The following SEC16B variants were observed in gnomAD, a reference collection of about 807,000 sequenced individuals.
SEC16B encodes the protein SEC16 homolog B, endoplasmic reticulum export factor.
Under a neutral mutation model 141.8 loss-of-function variants are expected in SEC16B, and 115 were observed. That is an observed-to-expected ratio of 0.81 (90% confidence interval 0.70 to 0.95). SEC16B has a LOEUF of 0.95. Ranked by LOEUF, SEC16B falls within the 40% of genes least tolerant of loss-of-function variation. SEC16B has a pLI of 0.00. For missense variants in SEC16B, 1,291 were observed against 1,312.3 expected, an observed-to-expected ratio of 0.98 and a Z score of 0.25; for synonymous variants, 493 against 492.5, an observed-to-expected ratio of 1.00 and a Z score of -0.01.
intron 8 of SEC16B, chr1:177,960,132 T>C (rs1420346280): frequency 3.5e-6 from 2 of 564,120 alleles, no homozygotes; most frequent in African/African-American, 3.8e-5. Flanking sequence ...GTCATGCTAA[T>C]TTTTCTTTCT....
intron 10 of SEC16B, among the ~76,000 whole-genome samples, chr1:177,954,648 T>C (rs1482561762): frequency 6.6e-6 from 1 of 152,220 alleles, no homozygotes; most frequent in African/African-American, 2.4e-5. Flanking sequence ...TAGCCTCATC[T>C]CTTTAGCAAA....
In SEC16B at chr1:177,948,567, A is replaced by C. The variant is rs775257970; in HGVS notation, c.1546-625T>G. The C allele has an allele frequency of 3.8e-6, 5 of 1,304,318 alleles. No individual in the cohort carries two copies. The South Asian group carries it at 6.2e-5, about 16-fold the overall frequency. 80.8% of individuals were successfully genotyped at this position (1,304,318 alleles called of 1,614,324 possible). On this transcript the variant is annotated intron_variant, in intron 12 of 25. Transcript: ENST00000308284. ...TTCCACCAGGGGGCAAAAAAGAGTA[A>C]GCAGCGTGGTGGAAATGTACAAAGC...
chr1:177,937,253 T>G lies in SEC16B; in HGVS notation c.2464A>C (p.Thr822Pro). The change falls in exon 19 of 26, where the codon ACA becomes CCA. Residue 822 changes from threonine to proline, a missense_variant. Around this residue, in one of 3 missense-constraint regions of SEC16B, gnomAD observed 605 missense variants for 614.1 expected, o/e 0.99. Coordinates refer to ENST00000308284, the MANE Select transcript of SEC16B (RefSeq NM_033127.4). ...SVAVTEATGG[T>P]VWEEMLQTHL... is the part of the protein sequence containing the mutation. ...GTCTGCAGCATTTCCTCCCAGACTG[T>G]TCCTCCAGTGGCCTCTGTCACTGCC... 1 of 1,613,784 alleles carries G rather than the reference T, an allele frequency of 6.2e-7. No individual in the cohort carries two copies. The highest frequency in any genetic ancestry group is 8.5e-7 in the Non-Finnish European group (1 of 1,179,826).
At chr1:177,943,035 G>A (rs769471607) in intron 15 of SEC16B, among the ~76,000 whole-genome samples, 2 of 152,158 alleles carry the variant, frequency 1.3e-5, no homozygotes, top group African/African-American at 2.4e-5. Flanking sequence ...TTTCTCTTTC[G>A]TAAAAGGAAG....
intron 15 of SEC16B, among the ~76,000 whole-genome samples, chr1:177,943,744 G>A (rs916925959): frequency 3.3e-5 from 5 of 152,220 alleles, no homozygotes; most frequent in East Asian, 1.9e-4. Context: ...CGTCAACGCC[G>A]AAAGCAGTTG....
Position 177,968,510 on chromosome 1 carries a change from T to C in SEC16B, c.-58-471A>G, listed in dbSNP as rs1653730403. Among the ~76,000 whole-genome samples the C allele has an allele frequency of 3.9e-5, 6 of 152,186 alleles. No homozygotes were observed. In the South Asian group the frequency reaches 1.2e-3, roughly 32 times the overall value. ...TCATTTTTTCAAGCCTCAATTTCCTTACCCATGAAATGGAGACTGTAAGGA... is the reference window on the plus strand; with the variant it reads ...TCATTTTTTCAAGCCTCAATTTCCTCACCCATGAAATGGAGACTGTAAGGA... On this transcript the variant is annotated intron_variant, in intron 1 of 25. Transcript: ENST00000308284.
chr1:177,929,802 A>T lies in SEC16B; in HGVS notation c.*56T>A, dbSNP rs1650276597. 1 of 1,589,114 alleles carries T rather than the reference A, an allele frequency of 6.3e-7. No individual in the cohort carries two copies. Among genetic ancestry groups the T allele is most frequent in the African/African-American group, 1.3e-5 (1 of 74,484 alleles). ...TAGAGAGGGGCTGGGAGATTGAGAA[A>T]AAGAGAGCAAGAAAGTTTCAGTCCT... On this transcript the variant is annotated 3_prime_UTR_variant, in exon 26 of 26. Transcript: ENST00000308284.
At chr1:177,936,871 G>T (rs967424012) in intron 19 of SEC16B, among the ~76,000 whole-genome samples, 1 of 152,312 alleles carries the variant, frequency 6.6e-6, no homozygotes, top group Non-Finnish European at 1.5e-5. Flanking sequence ...TTGAGTGCAG[G>T]ATGATTGGAG....
chr1:177,944,707 G>C, intron 14 of SEC16B, 41 bp from the exon 15 acceptor site: 1 of 1,537,372 alleles, frequency 6.5e-7, no homozygotes, highest in Non-Finnish European at 9.0e-7. Context: ...TGAGGTGTGG[G>C]GGACGCAGGA....
intron 2 of SEC16B, among the ~76,000 whole-genome samples, 193 bp from the exon 3 acceptor site, chr1:177,966,198 C>G (rs759448614): frequency 5.3e-4 from 81 of 152,196 alleles, no homozygotes; most frequent in Non-Finnish European, 9.8e-4. Flanking sequence ...TGTTGCACAA[C>G]AGGAGTAGAA....
intron 12 of SEC16B, among the ~76,000 whole-genome samples, chr1:177,949,034 T>C (rs1307893124): frequency 2.6e-5 from 4 of 151,966 alleles, no homozygotes; most frequent in Admixed American, 6.5e-5. Flanking sequence ...GGGCAGAAGA[T>C]TGCCAATAAT....
chr1:177,947,930 T>C lies in SEC16B; in HGVS notation c.1558A>G (p.Lys520Glu). The part of the protein sequence containing the change: ...IPQAATCCGE[K>E]QWGDWRPHLA... ...TGAGGCCTCCAGTCTCCCCACTGCT[T>C]TTCTCCACAACACTGAAAAGCACCA... Residue 520 changes from lysine to glutamate, a missense_variant, in exon 13 of 26, where the codon AAG becomes GAG. Around this residue, in one of 3 missense-constraint regions of SEC16B, gnomAD observed 681 missense variants for 675.5 expected, o/e 1.01. Coordinates refer to ENST00000308284, the MANE Select transcript of SEC16B (RefSeq NM_033127.4). 2 of 1,554,322 alleles carry C rather than the reference T, an allele frequency of 1.3e-6. No homozygotes were observed.
At position 177,946,036 on chromosome 1, in the gene SEC16B, G is replaced by A. The variant is rs1278347067; in HGVS notation, c.1775+384C>T. ...TCTTCCATTTTCCAGTTTTGCCTGG[G>A]TAGGCTCTCAGAACAGGCCCAGGGC... On this transcript the variant is annotated intron_variant, in intron 14 of 25. Coordinates refer to ENST00000308284, the MANE Select transcript of SEC16B (RefSeq NM_033127.4). The A allele has an allele frequency of 1.7e-5, 7 of 418,698 alleles. No individual in the cohort carries two copies. In the South Asian group the frequency reaches 2.7e-4, roughly 16 times the overall value. The allele number at this position is 418,698 out of a possible 1,614,324, so 25.9% of individuals were successfully genotyped here. A position where few individuals can be genotyped will look rare whatever the true frequency, so the allele number is the denominator to read the frequency against.
At chr1:177,968,106 G>A (rs1653701353) in intron 1 of SEC16B, 67 bp from the exon 2 acceptor site, 7 of 983,108 alleles carry the variant, frequency 7.1e-6, no homozygotes, top group Admixed American at 5.8e-5. Context: ...TGGTTGATTA[G>A]GTTTTGTGAA....
At chr1:177,942,284 G>A (rs1651337440) in intron 15 of SEC16B, among the ~76,000 whole-genome samples, 1 of 152,186 alleles carries the variant, frequency 6.6e-6, no homozygotes, top group African/African-American at 2.4e-5. Flanking sequence ...CCTAGGTCCT[G>A]GTCACCATGC....
At chr1:177,978,864 T>C (rs1023081677) in intron 1 of SEC16B, among the ~76,000 whole-genome samples, 11 of 152,202 alleles carry the variant, frequency 7.2e-5, no homozygotes, top group Non-Finnish European at 1.5e-4. Flanking sequence ...CATAATCTAA[T>C]CTGAGGTTAT....
In SEC16B at chr1:177,937,462, G is replaced by A; in HGVS notation, c.2255C>T (p.Pro752Leu). ...CAGCCACAGAGCTGAGCGGTACCCA[G>A]GGGCTTCAGAGTAGCCTTGACATCC... Reference protein sequence around the residue: ...FSGCQGYSEAPGYRSALWLTP... With the variant: ...FSGCQGYSEALGYRSALWLTP... Residue 752 changes from proline to leucine, a missense_variant, in exon 19 of 26, where the codon CCT becomes CTT. Physicochemically the swap from Pro to Leu is moderately conservative, Grantham distance 98 (BLOSUM62 -3). Around this residue, in one of 3 missense-constraint regions of SEC16B, gnomAD observed 605 missense variants for 614.1 expected, o/e 0.99. Coordinates refer to ENST00000308284, the MANE Select transcript of SEC16B (RefSeq NM_033127.4). 2 of 1,595,890 alleles carry A rather than the reference G, an allele frequency of 1.3e-6. No individual in the cohort carries two copies. Among genetic ancestry groups the A allele is most frequent in the Admixed American group, 3.5e-5 (2 of 57,106 alleles).
chr1:177,982,518 C>A (rs1466433054), intron 1 of SEC16B, among the ~76,000 whole-genome samples: 1 of 152,276 alleles, frequency 6.6e-6, no homozygotes, highest in African/African-American at 2.4e-5. Context: ...GGCTGATGGA[C>A]AATAAGTCTA....
rs1651715146 is a variant in SEC16B, at chr1:177,946,447, T to C, written c.1748A>G (p.His583Arg). 6.3e-7 allele frequency: 1 copy of C among 1,576,978 alleles called. No individual in the cohort carries two copies. The highest frequency in any genetic ancestry group is 1.2e-5 in the South Asian group (1 of 85,632). ...GTGGCTGCTGCCCAGCAAGACCAGA[T>C]GGTCTGTCTTCACGGTGTAGTGGCC... is the stretch of plus-strand genomic sequence containing the variant. ...PFGHYTVKTD[H>R]LVLLGSSHSQ... The change falls in exon 14 of 26, where the codon CAT becomes CGT. Residue 583 changes from histidine (H) to arginine (R), a missense_variant. Around this residue, in one of 3 missense-constraint regions of SEC16B, gnomAD observed 605 missense variants for 614.1 expected, o/e 0.99. Transcript: ENST00000308284.
Sources: gnomAD v4.1 joint callset for allele counts (sites outside exome capture counted in the v4.1 genomes callset) on GRCh38, gnomAD v4.1.1 for gene constraint, gnomAD v4.1.1 regional missense constraint, MANE v1.5 for transcripts, NCBI Gene and HGNC (gene_info 2026-07-23, HGNC 2026-07-21) for gene names.